The following KIF24 variants were observed in gnomAD, a reference collection of about 807,000 sequenced individuals.
KIF24 encodes the protein kinesin-like protein KIF24.
In KIF24, 81 loss-of-function variants were observed where a neutral mutation model predicts 118.9. The observed-to-expected ratio is 0.68, with a 90% CI of 0.57 to 0.82. The LOEUF (loss-of-function observed/expected upper bound fraction) is 0.82, where lower values mean the gene tolerates loss of function less well. KIF24 is among the 40% of genes least tolerant of loss of function. KIF24 has a pLI of 0.00. For missense variants in KIF24, 1,560 were observed against 1,661.6 expected (o/e 0.94, Z 1.06); for synonymous variants, 599 against 610.0 (o/e 0.98, Z 0.27).
Position 34,318,839 on chromosome 9 carries a change from T to C in KIF24, c.-25-7468A>G. ...CAGCTCAGTGAGTTTCGCTGATGAC[T>C]TCGTGCGCAGCAGCAAGCAGCACTA... On this transcript the variant is annotated intron_variant, in intron 1 of 12. Coordinates refer to ENST00000402558, the MANE Select transcript of KIF24 (RefSeq NM_194313.4). The surrounding 1 kb of genome is among the most constrained non-coding windows in gnomAD (Gnocchi z 4.9). 6.2e-7 allele frequency: 1 copy of C among 1,601,390 alleles called. No individual in the cohort carries two copies. The highest frequency in any genetic ancestry group is 1.7e-5 in the Admixed American group (1 of 59,932).
intron 6 of KIF24, among the ~76,000 whole-genome samples, chr9:34,277,033 C>CA (rs1835681882): frequency 6.6e-6 from 1 of 152,160 alleles, no homozygotes; most frequent in South Asian, 2.1e-4. Context: ...GATGGATCAT[C>CA]ATAGATTGGT....
At position 34,285,774 on chromosome 9, in the gene KIF24, C is replaced by CAA. The variant is rs59097671; in HGVS notation, c.1215+841_1215+842dup. ...TAGGTGACAAAGTGAGACTCCATCT[C>CAA]AAAAAAAAAAAAAAAAAATTAAAAA... is the stretch of plus-strand genomic sequence containing the variant. On this transcript the variant is annotated intron_variant, in intron 6 of 12. Coordinates refer to ENST00000402558, the MANE Select transcript of KIF24 (RefSeq NM_194313.4). Among the ~76,000 whole-genome samples the CAA allele has an allele frequency of 1.1e-3, 71 of 65,028 alleles. 1 individual carries two copies. Among genetic ancestry groups the CAA allele is most frequent in the African/African-American group, 3.7e-3 (64 of 17,534 alleles). 42.7% of individuals were successfully genotyped at this position (65,028 alleles called of 152,430 possible).
In KIF24 at chr9:34,329,137, G is replaced by A. The variant is rs1027298274; in HGVS notation, c.-57C>T. Among the ~76,000 whole-genome samples the A allele has an allele frequency of 6.6e-6, 1 of 152,220 alleles. No homozygotes were observed. Among genetic ancestry groups the A allele is most frequent in the Non-Finnish European group, 1.5e-5 (1 of 68,038 alleles). ...CCAAACTCCTCGGTCTGCCCTGTCT[G>A]AGAAGAGGAGAAGACAATGCCGTCG... On this transcript the variant is annotated 5_prime_UTR_variant, in exon 1 of 13. Coordinates refer to ENST00000402558, the MANE Select transcript of KIF24 (RefSeq NM_194313.4).
chr9:34,323,515 A>C (rs1837584058), intron 1 of KIF24, among the ~76,000 whole-genome samples: 1 of 152,250 alleles, frequency 6.6e-6, no homozygotes, highest in Admixed American at 6.5e-5. Flanking sequence ...TGTTGGGTTT[A>C]AATTCAGTGC....
At chr9:34,323,002 A>G (rs1265025130) in intron 1 of KIF24, among the ~76,000 whole-genome samples, 1 of 152,218 alleles carries the variant, frequency 6.6e-6, no homozygotes, top group Non-Finnish European at 1.5e-5. Context: ...TTAAAGGGTG[A>G]AAAATGTAGT....
At chr9:34,271,400 G>A (rs562533877) in intron 7 of KIF24, among the ~76,000 whole-genome samples, 1 of 151,724 alleles carries the variant, frequency 6.6e-6, no homozygotes, top group Non-Finnish European at 1.5e-5. Context: ...ATCCATCAGT[G>A]TGGCAGATTA....
intron 6 of KIF24, among the ~76,000 whole-genome samples, chr9:34,280,850 G>T (rs2131728438): frequency 6.6e-6 from 1 of 152,158 alleles, no homozygotes; most frequent in Admixed American, 6.5e-5. Context: ...CCAATGATGG[G>T]CCACCATGCC....
chr9:34,259,116 A>C (rs1033452475), intron 10 of KIF24, among the ~76,000 whole-genome samples: 2 of 152,178 alleles, frequency 1.3e-5, no homozygotes, highest in African/African-American at 4.8e-5. Context: ...GAGCCTTTGG[A>C]AAGATCCTAC....
At chr9:34,326,835 C>G (rs959039695) in intron 1 of KIF24, among the ~76,000 whole-genome samples, 4 of 152,014 alleles carry the variant, frequency 2.6e-5, no homozygotes, top group Non-Finnish European at 5.9e-5. Flanking sequence ...AAAGTATATG[C>G]TATGATTCGT....
intron 6 of KIF24, among the ~76,000 whole-genome samples, chr9:34,277,698 T>A (rs1835706939): frequency 6.6e-6 from 1 of 152,068 alleles, no homozygotes; most frequent in Non-Finnish European, 1.5e-5. Context: ...GCATGAGGAG[T>A]TTCTGGTCCT....
At chr9:34,313,679 G>A (rs1179144023) in intron 1 of KIF24, among the ~76,000 whole-genome samples, 2 of 150,848 alleles carry the variant, frequency 1.3e-5, no homozygotes, top group South Asian at 4.2e-4. Flanking sequence ...ATAAGTGAAA[G>A]GTATAAAAAC....
At chr9:34,323,144 T>A (rs1443669933) in intron 1 of KIF24, among the ~76,000 whole-genome samples, 2 of 146,850 alleles carry the variant, frequency 1.4e-5, no homozygotes, top group Non-Finnish European at 3.1e-5. Flanking sequence ...GGAATTAGAA[T>A]ATATGATACT....
At chr9:34,327,838 T>TAAA (rs371382729) in intron 1 of KIF24, among the ~76,000 whole-genome samples, 7,192 of 122,962 alleles carry the variant, frequency 0.058, 231 homozygotes, top group East Asian at 0.19. Context: ...TTTTCTCTAA[T>TAAA]AAAAAAAAAA....
intron 1 of KIF24, among the ~76,000 whole-genome samples, chr9:34,320,814 G>A (rs1437481772): frequency 1.3e-5 from 2 of 152,028 alleles, no homozygotes; most frequent in Non-Finnish European, 2.9e-5. Flanking sequence ...TTGCCAAAAT[G>A]TTACTGAAAT....
At chr9:34,278,525 T>C (rs1163178585) in intron 6 of KIF24, among the ~76,000 whole-genome samples, 2 of 146,828 alleles carry the variant, frequency 1.4e-5, no homozygotes, top group Admixed American at 6.9e-5. Context: ...TGGAAAAATA[T>C]AGCTTTAGAG....
chr9:34,271,174 C>T (rs1366341309), intron 7 of KIF24, among the ~76,000 whole-genome samples: 1 of 151,994 alleles, frequency 6.6e-6, no homozygotes, highest in East Asian at 1.9e-4. Flanking sequence ...GTACTGTCCA[C>T]TCAAACATGT....
In KIF24 at chr9:34,318,131, T is replaced by A. The variant is rs535555513; in HGVS notation, c.-25-6760A>T. On this transcript the variant is annotated intron_variant, in intron 1 of 12. Coordinates refer to ENST00000402558, the MANE Select transcript of KIF24 (RefSeq NM_194313.4). The surrounding 1 kb of genome is among the most constrained non-coding windows in gnomAD (Gnocchi z 4.9). ...GGAGGAGAACAAACAAGTCTAAAGCTGGTGGTTTAACAAGATAAATACATG... is the reference window on the plus strand; with the variant it reads ...GGAGGAGAACAAACAAGTCTAAAGCAGGTGGTTTAACAAGATAAATACATG... Among the ~76,000 whole-genome samples the A allele has an allele frequency of 2.0e-5, 3 of 152,184 alleles. No homozygotes were observed. The South Asian group carries it at 6.2e-4, about 32-fold the overall frequency.
chr9:34,320,317 A>C (rs79061435), intron 1 of KIF24, among the ~76,000 whole-genome samples: 10 of 148,388 alleles, frequency 6.7e-5, no homozygotes. Flanking sequence ...TTTTCTTTTC[A>C]ATAAAATGTT....
In KIF24 at chr9:34,327,846, A is replaced by AAT. The variant is rs1554668269; in HGVS notation, c.-26+1259_-26+1260insAT. Among the ~76,000 whole-genome samples the AAT allele has an allele frequency of 7.7e-3, 1,160 of 149,696 alleles. 13 individuals are homozygous for AAT. Among genetic ancestry groups the AAT allele is most frequent in the Non-Finnish European group, 9.4e-3 (634 of 67,430 alleles). Reference sequence around the variant, plus strand: ...CAAGACATTTTCTCTAATAAAAAAAAAATAATAATAATAATAAAGGGACTA... The same window carrying AAT: ...CAAGACATTTTCTCTAATAAAAAAAAATAATAATAATAATAATAAAGGGACTA... On this transcript the variant is annotated intron_variant, in intron 1 of 12. Transcript: ENST00000402558.
Sources: gnomAD v4.1 joint callset for allele counts (sites outside exome capture counted in the v4.1 genomes callset) on GRCh38, gnomAD v4.1.1 for gene constraint, Gnocchi (gnomAD v3.1) non-coding constraint, MANE v1.5 for transcripts, NCBI Gene and HGNC (gene_info 2026-07-23, HGNC 2026-07-21) for gene names.